EP300: variants seen among roughly 807,000 people sequenced by gnomAD.
The protein encoded by EP300 is EP300 lysine acetyltransferase.
In EP300, 31 loss-of-function variants were observed where a neutral mutation model predicts 264.0. The observed-to-expected ratio is 0.12, with a 90% CI of 0.09 to 0.16. EP300 has a LOEUF of 0.16. EP300 is among the 10% of genes least tolerant of loss of function. EP300 has a pLI of 1.00. For synonymous variants in EP300, 1,340 were observed against 1,045.4 expected, an observed-to-expected ratio of 1.28 and a Z score of -5.44; for missense variants, 2,766 against 3,052.9, an observed-to-expected ratio of 0.91 and a Z score of 2.21.
At chr22:41,168,994 C>T in intron 25 of EP300, 127 bp downstream of exon 25, 1 of 1,339,022 alleles carries the variant, frequency 7.5e-7, no homozygotes, top group East Asian at 2.3e-5. Context: ...TCTCAAGTGT[C>T]CAGTAATTTT....
At chr22:41,142,041 C>G (rs2058985699) in intron 10 of EP300, among the ~76,000 whole-genome samples, 1 of 152,102 alleles carries the variant, frequency 6.6e-6, no homozygotes, top group Non-Finnish European at 1.5e-5. Context: ...CATTGTTGAC[C>G]TGATGAATTA....
chr22:41,162,307 G>A (rs1430810515), intron 20 of EP300, among the ~76,000 whole-genome samples: 1 of 152,174 alleles, frequency 6.6e-6, no homozygotes, highest in Non-Finnish European at 1.5e-5. Flanking sequence ...TCCCCCTAAT[G>A]TTGATTCTAG....
chr22:41,170,542 G>T lies in EP300; in HGVS notation c.4423G>T (p.Val1475Leu). Residue 1475 changes from valine (V) to leucine (L), a missense_variant, in exon 27 of 31, where the codon GTA becomes TTA. Transcript: ENST00000263253. ...GTACAAAAAAATGCTTGACAAGGCT[G>T]TATCAGAGCGTATTGTCCATGACTA... The part of the protein sequence containing the change: ...EWYKKMLDKA[V>L]SERIVHDYKD... The T allele has an allele frequency of 6.2e-7, 1 of 1,612,784 alleles. No individual in the cohort carries two copies. The highest frequency in any genetic ancestry group is 8.5e-7 in the Non-Finnish European group (1 of 1,179,330).
intron 8 of EP300, among the ~76,000 whole-genome samples, chr22:41,138,482 G>C (rs973264059): frequency 1.3e-5 from 2 of 152,088 alleles, no homozygotes; most frequent in Non-Finnish European, 2.9e-5. Flanking sequence ...CTTTTATTAT[G>C]TAAAAATCTG....
intron 22 of EP300, among the ~76,000 whole-genome samples, chr22:41,165,489 T>G (rs1487844451): frequency 6.6e-6 from 1 of 152,160 alleles, no homozygotes; most frequent in Non-Finnish European, 1.5e-5. Flanking sequence ...AGTGGCGCGA[T>G]CTCGGCTCAC....
chr22:41,128,049 T>G (rs1355872493), intron 4 of EP300, among the ~76,000 whole-genome samples: 1 of 152,064 alleles, frequency 6.6e-6, no homozygotes, highest in East Asian at 1.9e-4. Flanking sequence ...TAGTCCTAGC[T>G]GAGGGACTAA....
rs71328777 is a variant in EP300, at chr22:41,167,560, TTGTGTGTG to T, written c.3875-871_3875-864del. On this transcript the variant is annotated intron_variant, in intron 23 of 30. Coordinates refer to ENST00000263253, the MANE Select transcript of EP300 (RefSeq NM_001429.4). ...ATAGAGATGTTCATTGTTTATATAT[TTGTGTGTG>T]TGTGTGTGTGTGTGTGTATATATAT... 6.6e-3 allele frequency among the ~76,000 whole-genome samples: 336 copies of T among 50,992 alleles called. 2 individuals carry two copies. Among genetic ancestry groups the T allele is most frequent in the African/African-American group, 0.02 (290 of 14,194 alleles). 33.5% of individuals were successfully genotyped at this position (50,992 alleles called of 152,430 possible).
Position 41,123,697 on chromosome 22 carries a change from T to A in EP300, c.730-2167T>A, listed in dbSNP as rs565481836. Among the ~76,000 whole-genome samples the A allele has an allele frequency of 7.9e-5, 12 of 152,334 alleles. No homozygotes were observed. The East Asian group carries it at 2.3e-3, about 29-fold the overall frequency. ...GTTTGCTCAATGTTTCTAGTAGTGATGATGACTTGTAGTTGGGATCCTATG... is the reference window on the plus strand; with the variant it reads ...GTTTGCTCAATGTTTCTAGTAGTGAAGATGACTTGTAGTTGGGATCCTATG... On this transcript the variant is annotated intron_variant, in intron 2 of 30. Transcript: ENST00000263253.
chr22:41,144,143 CATATG>C (rs1334734946), intron 10 of EP300, among the ~76,000 whole-genome samples: 1 of 152,104 alleles, frequency 6.6e-6, no homozygotes. Flanking sequence ...TTAAGTGTGG[CATATG>C]CCCTAGAAAA....
At chr22:41,155,142 A>AT in intron 17 of EP300, 29 bp downstream of exon 17, 1 of 1,447,316 alleles carries the variant, frequency 6.9e-7, no homozygotes, top group Non-Finnish European at 9.7e-7. Context: ...TTTTGATTTT[A>AT]TTTTTTAATT....
intron 7 of EP300, 113 bp downstream of exon 7, chr22:41,136,019 A>G: frequency 1.2e-6 from 1 of 830,464 alleles, no homozygotes; most frequent in East Asian, 2.6e-5. Flanking sequence ...CTTTGAATAC[A>G]GATAGATGTT....
At position 41,148,857 on chromosome 22, in the gene EP300, C is replaced by T. The variant is rs1047963068; in HGVS notation, c.2242-181C>T. 1.4e-5 allele frequency: 10 copies of T among 711,612 alleles called. No individual in the cohort carries two copies. In the Middle Eastern group the frequency reaches 1.2e-3, roughly 84 times the overall value. 44.1% of individuals were successfully genotyped at this position (711,612 alleles called of 1,614,324 possible). A position where few individuals can be genotyped will look rare whatever the true frequency, so the allele number is the denominator to read the frequency against. On this transcript the variant is annotated intron_variant, in intron 12 of 30. Coordinates refer to ENST00000263253, the MANE Select transcript of EP300 (RefSeq NM_001429.4). ...GTGAGGCTATTTCTCTTTATCTTGG[C>T]ACAAGAGTCAGTTGTTCTACAACTT...
chr22:41,161,615 T>C (rs1009763433), intron 20 of EP300, among the ~76,000 whole-genome samples: 15 of 151,992 alleles, frequency 9.9e-5, no homozygotes, highest in African/African-American at 3.4e-4. Flanking sequence ...AGAGTCTGTC[T>C]CAAAATAAAT....
chr22:41,164,150 C>T lies in EP300; in HGVS notation c.3806+20C>T. The T allele has an allele frequency of 6.2e-7, 1 of 1,610,484 alleles. No homozygotes were observed. Among genetic ancestry groups the T allele is most frequent in the Non-Finnish European group, 8.5e-7 (1 of 1,176,754 alleles). ...TGCTGGGTAAGTCTTAACGTTGTTA[C>T]TTTCTCTGGAATTTTTCTTTATCGT... is the stretch of plus-strand genomic sequence containing the variant. On this transcript the variant is annotated intron_variant, in intron 22 of 30. Coordinates refer to ENST00000263253, the MANE Select transcript of EP300 (RefSeq NM_001429.4).
chr22:41,169,092 T>C, intron 25 of EP300: 1 of 626,168 alleles, frequency 1.6e-6, no homozygotes, highest in Non-Finnish European at 2.8e-6. Context: ...AGGATATGAA[T>C]AGCAACCTGA....
rs761006654 is a variant in EP300, at chr22:41,178,690, C to T, written c.6979C>T (p.Pro2327Ser). Residue 2327 changes from proline to serine, a missense_variant, in exon 31 of 31, where the codon CCT (proline) becomes TCT (serine). By Grantham distance (74) the Pro-to-Ser change is moderately conservative (BLOSUM62 -1). Transcript: ENST00000263253. ...ACAGTCCCAGCCCCCCCACTCCAGTCCTTCCCCAAGGATGCAGCCTCAGCC... is the reference window on the plus strand; with the variant it reads ...ACAGTCCCAGCCCCCCCACTCCAGTTCTTCCCCAAGGATGCAGCCTCAGCC... Reference protein sequence around the residue: ...RPQSQPPHSSPSPRMQPQPSP... With the variant: ...RPQSQPPHSSSSPRMQPQPSP... 6.2e-7 allele frequency: 1 copy of T among 1,614,058 alleles called. No homozygotes were observed.
chr22:41,110,282 ATTTTTTTTTTTTTTTTTT>A (rs71200660), intron 1 of EP300, among the ~76,000 whole-genome samples: 89 of 48,224 alleles, frequency 1.8e-3, no homozygotes, highest in Middle Eastern at 0.031. Context: ...TATCCAGCTA[ATTTTTTTTTTTTTTTTTT>A]TTTTTTTTTT....
At position 41,149,956 on chromosome 22, in the gene EP300, A is replaced by G. The variant is rs754671617; in HGVS notation, c.2575A>G (p.Ile859Val). 5 of 1,613,530 alleles carry G rather than the reference A, an allele frequency of 3.1e-6. No homozygotes were observed. The South Asian group carries it at 3.3e-5, about 11-fold the overall frequency. Reference sequence around the variant, plus strand: ...GGCTCAGCAGCCACCAGCAACAACAATTCCAGCCCCTGTTCCTACACCTCC... The same window carrying G: ...GGCTCAGCAGCCACCAGCAACAACAGTTCCAGCCCCTGTTCCTACACCTCC... ...IGAQQPPATT[I>V]PAPVPTPPAM... is the part of the protein sequence containing the mutation. Residue 859 changes from isoleucine (I) to valine (V), a missense_variant, in exon 14 of 31, where the codon ATT becomes GTT. Physicochemically the swap from Ile to Val is conservative, Grantham distance 29. Coordinates refer to ENST00000263253, the MANE Select transcript of EP300 (RefSeq NM_001429.4).
chr22:41,146,642 T>G, intron 10 of EP300, 97 bp from the exon 11 acceptor site: 3 of 988,376 alleles, frequency 3.0e-6, no homozygotes, highest in Non-Finnish European at 4.8e-6. Flanking sequence ...TTCAAAGGTA[T>G]TATTAAAAAT....
Sources: allele counts gnomAD v4.1 joint callset (sites outside exome capture counted in the v4.1 genomes callset), GRCh38; gene constraint gnomAD v4.1.1; transcripts MANE v1.5; gene names NCBI Gene and HGNC (gene_info 2026-07-23, HGNC 2026-07-21).